The following CNR2 variants were observed in gnomAD, a reference collection of about 807,000 sequenced individuals.
CNR2 encodes the protein cannabinoid receptor 2 (macrophage).
For missense variants in CNR2, 379 were observed against 439.9 expected, an observed-to-expected ratio of 0.86 and a Z score of 1.24; for synonymous variants, 172 against 182.2, an observed-to-expected ratio of 0.94 and a Z score of 0.45.
chr1:23,897,480 A>ATT (rs1640303502), intron 1 of CNR2, among the ~76,000 whole-genome samples: 6 of 50,230 alleles, frequency 1.2e-4, no homozygotes, highest in African/African-American at 3.2e-4. Flanking sequence ...ATGTTAATAG[A>ATT]ATTTTTTTTT....
rs879262067 is a variant in CNR2, at chr1:23,877,961, C to CAA, written c.-45-2301_-45-2300dup. Among the ~76,000 whole-genome samples the CAA allele has an allele frequency of 7.3e-5, 7 of 95,992 alleles. No individual in the cohort carries two copies. The South Asian group carries it at 1.3e-3, about 17-fold the overall frequency. The allele number at this position is 95,992 out of a possible 152,430, so 63.0% of individuals were successfully genotyped here. On this transcript the variant is annotated intron_variant, in intron 1 of 1. Coordinates refer to ENST00000374472, the MANE Select transcript of CNR2 (RefSeq NM_001841.3). ...GGGCGATAAGAGTGAAACTCCATCT[C>CAA]AAAAAAAAAAAAAAGAATGTAGCTC... is the stretch of plus-strand genomic sequence containing the variant.
chr1:23,870,734 G>C lies in CNR2; in HGVS notation c.*3801C>G, dbSNP rs1639748287. 1 of 152,234 alleles carries C rather than the reference G, an allele frequency of 6.6e-6. No individual in the cohort carries two copies. Among genetic ancestry groups the C allele is most frequent in the African/African-American group, 2.4e-5 (1 of 41,430 alleles). The allele number at this position is 152,234 out of a possible 1,614,324, so 9.4% of individuals were successfully genotyped here. A position where few individuals can be genotyped will look rare whatever the true frequency, so the allele number is the denominator to read the frequency against. ...TGGACACCATCTCGTTTGTCTCCCT[G>C]AGCAAGTCTTGTCCACTGTCTGGGC... On this transcript the variant is annotated 3_prime_UTR_variant, in exon 2 of 2. Transcript: ENST00000374472.
intron 1 of CNR2, among the ~76,000 whole-genome samples, chr1:23,887,078 G>A (rs1456509118): frequency 6.6e-6 from 1 of 152,114 alleles, no homozygotes; most frequent in Non-Finnish European, 1.5e-5. Context: ...GTTAATTTTT[G>A]TATTTTTAAT....
intron 1 of CNR2, among the ~76,000 whole-genome samples, chr1:23,893,964 T>C (rs903209239): frequency 1.3e-5 from 2 of 150,966 alleles, no homozygotes; most frequent in African/African-American, 4.9e-5. Context: ...CTACAAAAAA[T>C]ACAAAAATTA....
At chr1:23,901,370 G>A in intron 1 of CNR2, 1 of 1,040,176 alleles carries the variant, frequency 9.6e-7, no homozygotes, top group Non-Finnish European at 1.4e-6. Context: ...ATGCCAAAGA[G>A]AGACAAGGTT....
At chr1:23,884,123 A>G (rs993994469) in intron 1 of CNR2, among the ~76,000 whole-genome samples, 1 of 150,996 alleles carries the variant, frequency 6.6e-6, no homozygotes, top group Non-Finnish European at 1.5e-5. Context: ...TCTGTCGCCC[A>G]GGCTGGAGTG....
At position 23,875,083 on chromosome 1, in the gene CNR2, A is replaced by G; in HGVS notation, c.535T>C (p.Cys179Arg). Reference sequence around the variant, plus strand: ...GGGATCAGTGGGAAAAGCTCAGAGCAGGGCCTGGGACAGCAAGTCCATCCC... The same window carrying G: ...GGGATCAGTGGGAAAAGCTCAGAGCGGGGCCTGGGACAGCAAGTCCATCCC... ...LMGWTCCPRP[C>R]SELFPLIPND... Residue 179 changes from cysteine (C) to arginine (R), a missense_variant, in exon 2 of 2, where the codon TGC becomes CGC. By Grantham distance (180) the Cys-to-Arg change is radical (BLOSUM62 -3). Transcript: ENST00000374472. 6.2e-7 allele frequency: 1 copy of G among 1,600,810 alleles called. No homozygotes were observed. The highest frequency in any genetic ancestry group is 1.3e-5 in the African/African-American group (1 of 74,764).
intron 1 of CNR2, chr1:23,901,387 G>A: frequency 8.5e-7 from 1 of 1,183,222 alleles, no homozygotes; most frequent in East Asian, 2.5e-5. Context: ...GGTTAAGTGT[G>A]GCCTTTCATG....
chr1:23,882,073 C>T (rs977053267), intron 1 of CNR2, among the ~76,000 whole-genome samples: 3 of 151,572 alleles, frequency 2.0e-5, no homozygotes, highest in Non-Finnish European at 4.4e-5. Context: ...AGGTGCCTGC[C>T]ACCACGACCA....
chr1:23,911,292 G>C (rs1303283446), intron 1 of CNR2, among the ~76,000 whole-genome samples: 1 of 151,758 alleles, frequency 6.6e-6, no homozygotes, highest in Non-Finnish European at 1.5e-5. Flanking sequence ...AGGACCTCTG[G>C]GGGAAGTCAC....
At chr1:23,882,723 G>A (rs1341109459) in intron 1 of CNR2, among the ~76,000 whole-genome samples, 2 of 151,964 alleles carry the variant, frequency 1.3e-5, no homozygotes, top group African/African-American at 4.8e-5. Context: ...GGGAGGCAGA[G>A]GCAGGAGAAT....
At chr1:23,901,395 A>C in intron 1 of CNR2, 2 of 1,287,276 alleles carry the variant, frequency 1.6e-6, no homozygotes, top group Non-Finnish European at 2.1e-6. Context: ...GTGGCCTTTC[A>C]TGGTGTCAAG....
In CNR2 at chr1:23,874,286, G is replaced by A. The variant is rs1227177848; in HGVS notation, c.*249C>T. The A allele has an allele frequency of 4.2e-6, 2 of 471,224 alleles. No individual in the cohort carries two copies. The highest frequency in any genetic ancestry group is 7.7e-6 in the Non-Finnish European group (2 of 258,258). 29.2% of individuals were successfully genotyped at this position (471,224 alleles called of 1,614,324 possible). ...GCCTGACCTGACTTGTACTGACCCT[G>A]TCCCAGGCCTTTTGTGTCTCGCCTA... is the stretch of plus-strand genomic sequence containing the variant. On this transcript the variant is annotated 3_prime_UTR_variant, in exon 2 of 2. Coordinates refer to ENST00000374472, the MANE Select transcript of CNR2 (RefSeq NM_001841.3).
chr1:23,894,085 AC>A (rs1164033934), intron 1 of CNR2, among the ~76,000 whole-genome samples: 1 of 149,858 alleles, frequency 6.7e-6, no homozygotes, highest in African/African-American at 2.5e-5. Flanking sequence ...ACACCACTGC[AC>A]TCTAGCCTGA....
intron 1 of CNR2, among the ~76,000 whole-genome samples, chr1:23,909,138 C>T (rs1186169522): frequency 6.6e-6 from 1 of 152,110 alleles, no homozygotes; most frequent in Non-Finnish European, 1.5e-5. Context: ...CCTTCACTCC[C>T]TCGCCTGCTG....
In CNR2 at chr1:23,871,527, A is replaced by G. The variant is rs1639765767; in HGVS notation, c.*3008T>C. ...TTTCAGAAACAGTTCAGTTCCACAC[A>G]TATTGACCAGATCCCTTCAGATGCT... is the stretch of plus-strand genomic sequence containing the variant. On this transcript the variant is annotated 3_prime_UTR_variant, in exon 2 of 2. Transcript: ENST00000374472. 2 of 152,258 alleles carry G rather than the reference A, an allele frequency of 1.3e-5. No homozygotes were observed. The highest frequency in any genetic ancestry group is 2.4e-5 in the African/African-American group (1 of 41,474). 9.4% of individuals were successfully genotyped at this position (152,258 alleles called of 1,614,324 possible).
chr1:23,901,397 G>A, intron 1 of CNR2: 2 of 1,289,340 alleles, frequency 1.6e-6, no homozygotes, highest in East Asian at 4.8e-5. Flanking sequence ...GGCCTTTCAT[G>A]GTGTCAAGAA....
At chr1:23,897,150 C>T (rs1329733592) in intron 1 of CNR2, among the ~76,000 whole-genome samples, 3 of 152,106 alleles carry the variant, frequency 2.0e-5, no homozygotes, top group Non-Finnish European at 4.4e-5. Flanking sequence ...GCTGGAATTA[C>T]AGGTGTGAGC....
At position 23,874,504 on chromosome 1, in the gene CNR2, CTTGAG is replaced by C; in HGVS notation, c.*26_*30del. On this transcript the variant is annotated 3_prime_UTR_variant, in exon 2 of 2. Coordinates refer to ENST00000374472, the MANE Select transcript of CNR2 (RefSeq NM_001841.3). ...TTCCAGGGAGTGAACTGATTTCTGA[CTTGAG>C]TTGTTTAAATTGGGAAGAGGCCTCA... is the stretch of plus-strand genomic sequence containing the variant. 6.3e-7 allele frequency: 1 copy of C among 1,590,938 alleles called. No homozygotes were observed. Among genetic ancestry groups the C allele is most frequent in the Non-Finnish European group, 8.6e-7 (1 of 1,168,246 alleles).
Sources: allele counts gnomAD v4.1 joint callset (sites outside exome capture counted in the v4.1 genomes callset), GRCh38; gene constraint gnomAD v4.1.1; transcripts MANE v1.5; gene names NCBI Gene and HGNC (gene_info 2026-07-23, HGNC 2026-07-21).